The following PTPRE variants were observed in gnomAD, a reference collection of about 807,000 sequenced individuals.
The protein encoded by PTPRE is protein tyrosine phosphatase receptor type E, also known as receptor-type tyrosine-protein phosphatase epsilon.
In PTPRE, 51 loss-of-function variants were observed where a neutral mutation model predicts 102.0. The observed-to-expected ratio is 0.50, with a 90% CI of 0.40 to 0.63. PTPRE has a LOEUF of 0.63. Ranked by LOEUF, PTPRE falls within the 30% of genes least tolerant of loss-of-function variation. The probability of loss-of-function intolerance (pLI) is 0.00; values close to 1 mark genes in which losing one functional copy is unlikely to be tolerated. For missense variants in PTPRE, 752 were observed against 915.1 expected, an observed-to-expected ratio of 0.82 and a Z score of 2.30; for synonymous variants, 345 against 348.2, an observed-to-expected ratio of 0.99 and a Z score of 0.10.
chr10:127,995,165 C>G (rs1853121720), intron 2 of PTPRE, among the ~76,000 whole-genome samples: 1 of 152,188 alleles, frequency 6.6e-6, no homozygotes, highest in Non-Finnish European at 1.5e-5. Flanking sequence ...CTCCTGAGAG[C>G]CAGGAGGCCC....
At chr10:127,995,823 G>GCACACA (rs143328396) in intron 2 of PTPRE, among the ~76,000 whole-genome samples, 4,910 of 148,276 alleles carry the variant, frequency 0.033, 98 homozygotes, top group African/African-American at 0.052. Context: ...CTCTACACGA[G>GCACACA]CACACACACA....
At chr10:127,962,666 G>T (rs1405737046) in intron 1 of PTPRE, among the ~76,000 whole-genome samples, 2 of 152,000 alleles carry the variant, frequency 1.3e-5, no homozygotes, top group African/African-American at 4.9e-5. Context: ...GAGGCCCTCA[G>T]CGGGGCGGCT....
chr10:128,006,758 T>A (rs1422957066), intron 2 of PTPRE, among the ~76,000 whole-genome samples: 2 of 152,188 alleles, frequency 1.3e-5, no homozygotes, highest in African/African-American at 4.8e-5. Context: ...AAGGGGCCTT[T>A]CCTGCACCCC....
At chr10:127,965,798 C>T (rs534240298) in intron 1 of PTPRE, among the ~76,000 whole-genome samples, 1 of 152,288 alleles carries the variant, frequency 6.6e-6, no homozygotes, top group Admixed American at 6.5e-5. Context: ...GGCTCAGGGT[C>T]CAGCCAGTCT....
chr10:127,996,008 T>A (rs778565545), intron 2 of PTPRE, among the ~76,000 whole-genome samples: 1 of 152,226 alleles, frequency 6.6e-6, no homozygotes, highest in African/African-American at 2.4e-5. Context: ...GCCTTGGTCT[T>A]AAAGAGCCTG....
intron 2 of PTPRE, among the ~76,000 whole-genome samples, chr10:128,016,051 T>A (rs1214920061): frequency 6.6e-6 from 1 of 152,170 alleles, no homozygotes; most frequent in East Asian, 1.9e-4. Flanking sequence ...GTGGGCTTCC[T>A]GGGGTTGCAG....
intron 1 of PTPRE, among the ~76,000 whole-genome samples, chr10:127,918,499 C>T (rs557869790): frequency 6.7e-6 from 1 of 149,016 alleles, no homozygotes; most frequent in Non-Finnish European, 1.5e-5. Flanking sequence ...GCGGAGCTTG[C>T]AGTGAGCCGA....
intron 2 of PTPRE, among the ~76,000 whole-genome samples, chr10:127,992,457 G>A (rs1383779076): frequency 6.6e-6 from 1 of 152,166 alleles, no homozygotes; most frequent in Non-Finnish European, 1.5e-5. Context: ...GGCAGCTGGG[G>A]GTCTCTTTCT....
At chr10:127,914,505 G>A (rs1003756462) in intron 1 of PTPRE, among the ~76,000 whole-genome samples, 2 of 152,196 alleles carry the variant, frequency 1.3e-5, no homozygotes, top group Admixed American at 6.5e-5. Context: ...TTGTTACTGA[G>A]GTAACATGGG....
At chr10:128,023,758 G>A (rs1018983470) in intron 2 of PTPRE, among the ~76,000 whole-genome samples, 1 of 152,194 alleles carries the variant, frequency 6.6e-6, no homozygotes, top group African/African-American at 2.4e-5. Flanking sequence ...AGTATTGAGG[G>A]CAGTGTCCTT....
intron 17 of PTPRE, among the ~76,000 whole-genome samples, chr10:128,075,904 T>C (rs1358985755): frequency 6.6e-6 from 1 of 152,252 alleles, no homozygotes; most frequent in Non-Finnish European, 1.5e-5. Context: ...TCCTTTCTTA[T>C]TGATTTATAG....
intron 2 of PTPRE, among the ~76,000 whole-genome samples, chr10:128,027,589 A>C (rs1179895037): frequency 6.6e-6 from 1 of 152,168 alleles, no homozygotes; most frequent in Non-Finnish European, 1.5e-5. Context: ...CCTAATCCAG[A>C]AACATGTGGG....
chr10:128,019,112 T>G (rs910221256), intron 2 of PTPRE, among the ~76,000 whole-genome samples: 4 of 152,318 alleles, frequency 2.6e-5, no homozygotes, highest in Admixed American at 2.0e-4. Flanking sequence ...CCCTGGTCCC[T>G]GGGCCCCCTC....
intron 1 of PTPRE, among the ~76,000 whole-genome samples, chr10:127,960,463 T>C (rs2135384990): frequency 6.6e-6 from 1 of 152,354 alleles, no homozygotes; most frequent in South Asian, 2.1e-4. Flanking sequence ...CCTGTGCACT[T>C]AAGTCTGGTG....
chr10:128,067,952 C>T (rs570652737), intron 11 of PTPRE, among the ~76,000 whole-genome samples, 171 bp from the exon 12 acceptor site: 1 of 152,328 alleles, frequency 6.6e-6, no homozygotes, highest in East Asian at 1.9e-4. Flanking sequence ...TGTTCAGAGT[C>T]GGCAGGGGTA....
Position 128,085,067 on chromosome 10 carries a change from T to C in PTPRE, c.*2161T>C, listed in dbSNP as rs1851995918. ...TCTGCCTGTTCCCAAACTTTTTCCA[T>C]TCCAGGAACAAAGGAGAAGCCACTT... On this transcript the variant is annotated 3_prime_UTR_variant, in exon 21 of 21. Coordinates refer to ENST00000254667, the MANE Select transcript of PTPRE (RefSeq NM_006504.6). The C allele has an allele frequency of 2.2e-6, 1 of 455,944 alleles. No homozygotes were observed. Among genetic ancestry groups the C allele is most frequent in the Non-Finnish European group, 4.4e-6 (1 of 226,848 alleles). 28.2% of individuals were successfully genotyped at this position (455,944 alleles called of 1,614,324 possible). A position where few individuals can be genotyped will look rare whatever the true frequency, so the allele number is the denominator to read the frequency against.
intron 17 of PTPRE, among the ~76,000 whole-genome samples, chr10:128,076,036 A>C (rs141709644): frequency 3.3e-4 from 50 of 152,360 alleles, no homozygotes; most frequent in African/African-American, 1.2e-3. Flanking sequence ...AGAGAAGTGA[A>C]TGTTACTGTA....
intron 1 of PTPRE, among the ~76,000 whole-genome samples, chr10:127,916,268 C>T (rs1846201232): frequency 6.6e-6 from 1 of 152,114 alleles, no homozygotes; most frequent in African/African-American, 2.4e-5. Context: ...AGGGTGGTTT[C>T]CCCCATGCTG....
intron 12 of PTPRE, 149 bp from the exon 13 acceptor site, chr10:128,069,543 C>CTGGT (rs1350448254): frequency 9.6e-7 from 1 of 1,039,360 alleles, no homozygotes; most frequent in East Asian, 2.4e-5. Flanking sequence ...ACAGCTCCCT[C>CTGGT]TGGTGGCTGC....
Sources: gnomAD v4.1 joint callset for allele counts (sites outside exome capture counted in the v4.1 genomes callset) on GRCh38, gnomAD v4.1.1 for gene constraint, MANE v1.5 for transcripts, NCBI Gene and HGNC (gene_info 2026-07-23, HGNC 2026-07-21) for gene names.